The following GPR39 variants were observed in gnomAD, a reference collection of about 807,000 sequenced individuals.
GPR39 encodes the protein G protein-coupled receptor 39.
GPR39 carries 23 observed loss-of-function variants against 18.4 expected under a neutral mutation model. The observed-to-expected ratio is 1.25, with a 90% CI of 0.90 to 1.77. The LOEUF is 1.77. GPR39 is among the 40% of genes most tolerant of loss of function. The pLI is 0.00. For synonymous variants in GPR39, 280 were observed against 257.9 expected (o/e 1.09, Z -0.82); for missense variants, 647 against 602.4 (o/e 1.07, Z -0.78).
chr2:132,608,036 G>C (rs72841247), intron 1 of GPR39, among the ~76,000 whole-genome samples: 1 of 151,846 alleles, frequency 6.6e-6, no homozygotes. Flanking sequence ...ATGATACTGA[G>C]TTCCATGCAA....
At chr2:132,447,383 G>T (rs796233315) in intron 1 of GPR39, among the ~76,000 whole-genome samples, 14 of 152,274 alleles carry the variant, frequency 9.2e-5, no homozygotes, top group African/African-American at 3.4e-4. Context: ...TATCAGGGGC[G>T]CTTTGTTGCT....
At chr2:132,446,692 C>T (rs925886057) in intron 1 of GPR39, among the ~76,000 whole-genome samples, 7 of 151,848 alleles carry the variant, frequency 4.6e-5, no homozygotes, top group African/African-American at 1.7e-4. Flanking sequence ...ATAGGGGCAG[C>T]AAAGGAGTAT....
rs543832346 is a variant in GPR39 at position 132,553,391 on chromosome 2, TGTATATATAC to T, written c.857-91700_857-91691del. Reference sequence around the variant, plus strand: ...TGTATATATGTGTGTATATATATAGTGTATATATACGTATATATATGTACACACACAAATA... The same window carrying T: ...TGTATATATGTGTGTATATATATAGTGTATATATATGTACACACACAAATA... On this transcript the variant is annotated intron_variant, in intron 1 of 1. Coordinates refer to ENST00000329321, the MANE Select transcript of GPR39 (RefSeq NM_001508.3). 1.9e-3 allele frequency among the ~76,000 whole-genome samples: 290 copies of T among 149,134 alleles called. 1 individual carries two copies. The highest frequency in any genetic ancestry group is 6.9e-3 in the African/African-American group (283 of 40,828).
intron 1 of GPR39, among the ~76,000 whole-genome samples, chr2:132,548,825 T>C (rs955006980): frequency 2.0e-5 from 3 of 152,220 alleles, no homozygotes; most frequent in Non-Finnish European, 2.9e-5. Context: ...TCACTACTCT[T>C]ATCATTATGC....
At chr2:132,584,519 A>G (rs1680688104) in intron 1 of GPR39, among the ~76,000 whole-genome samples, 1 of 152,088 alleles carries the variant, frequency 6.6e-6, no homozygotes, top group Non-Finnish European at 1.5e-5. Context: ...GGAGGTTGAA[A>G]GGGAAGGAAG....
At chr2:132,539,616 C>T (rs1679826610) in intron 1 of GPR39, among the ~76,000 whole-genome samples, 1 of 152,174 alleles carries the variant, frequency 6.6e-6, no homozygotes, top group African/African-American at 2.4e-5. Context: ...TAGCTTCAAA[C>T]AGCAATTTTA....
chr2:132,522,716 G>A (rs1038499514), intron 1 of GPR39, among the ~76,000 whole-genome samples: 3 of 152,148 alleles, frequency 2.0e-5, no homozygotes, highest in African/African-American at 4.8e-5. Context: ...CAGCCTTCTT[G>A]TCTGAGTAGA....
At chr2:132,468,044 C>A (rs11678484) in intron 1 of GPR39, among the ~76,000 whole-genome samples, 69,210 of 152,004 alleles carry the variant, frequency 0.46, 16,866 homozygotes, top group Non-Finnish European at 0.54. Flanking sequence ...GTACCATTTT[C>A]TTAGAAGTCC....
Position 132,601,929 on chromosome 2 carries a change from A to C in GPR39, c.857-43172A>C, listed in dbSNP as rs959666240. Among the ~76,000 whole-genome samples, 4 of 152,248 alleles carry C rather than the reference A, an allele frequency of 2.6e-5. No individual in the cohort carries two copies. The South Asian group carries it at 8.3e-4, about 32-fold the overall frequency. On this transcript the variant is annotated intron_variant, in intron 1 of 1. Transcript: ENST00000329321. ...TTGAAGACAAAAAAATTGGAAAGATAACCCATGCTCATGGATTAAAAGAAT... is the reference window on the plus strand; with the variant it reads ...TTGAAGACAAAAAAATTGGAAAGATCACCCATGCTCATGGATTAAAAGAAT...
chr2:132,521,892 G>A (rs1679432678), intron 1 of GPR39, among the ~76,000 whole-genome samples: 1 of 152,148 alleles, frequency 6.6e-6, no homozygotes, highest in Non-Finnish European at 1.5e-5. Flanking sequence ...GGAACAAAGT[G>A]TTCTTCTTCC....
At chr2:132,484,360 C>A (rs1681291586) in intron 1 of GPR39, among the ~76,000 whole-genome samples, 1 of 152,132 alleles carries the variant, frequency 6.6e-6, no homozygotes, top group African/African-American at 2.4e-5. Flanking sequence ...CTGACTAAAT[C>A]ATTTAAATAT....
At chr2:132,420,126 C>G (rs1205187067) in intron 1 of GPR39, among the ~76,000 whole-genome samples, 1 of 152,188 alleles carries the variant, frequency 6.6e-6, no homozygotes, top group Non-Finnish European at 1.5e-5. Context: ...TCCTTCTTTC[C>G]TATACCAACT....
At chr2:132,512,122 G>A (rs1278011878) in intron 1 of GPR39, among the ~76,000 whole-genome samples, 1 of 152,086 alleles carries the variant, frequency 6.6e-6, no homozygotes, top group Non-Finnish European at 1.5e-5. Flanking sequence ...GTCAGTCTAG[G>A]GCTAAGAGTA....
chr2:132,462,501 C>A (rs1000151695), intron 1 of GPR39, among the ~76,000 whole-genome samples: 2 of 152,198 alleles, frequency 1.3e-5, no homozygotes, highest in African/African-American at 2.4e-5. Context: ...CAAGGCCCTC[C>A]TGATTTTACC....
At chr2:132,551,393 G>A (rs1397296728) in intron 1 of GPR39, among the ~76,000 whole-genome samples, 1 of 152,218 alleles carries the variant, frequency 6.6e-6, no homozygotes, top group South Asian at 2.1e-4. Flanking sequence ...TATAGGCTTA[G>A]ATTAGTCATG....
intron 1 of GPR39, among the ~76,000 whole-genome samples, chr2:132,488,107 T>C (rs1681378158): frequency 6.6e-6 from 1 of 152,200 alleles, no homozygotes; most frequent in Non-Finnish European, 1.5e-5. Context: ...AAATGGTAAG[T>C]AGACAAATTT....
chr2:132,419,477 G>A (rs748996740), intron 1 of GPR39, among the ~76,000 whole-genome samples: 2 of 152,226 alleles, frequency 1.3e-5, no homozygotes, highest in Non-Finnish European at 2.9e-5. Context: ...GGTAAGCCTG[G>A]TGGTGTTGCT....
At chr2:132,469,970 G>A (rs1380681395) in intron 1 of GPR39, among the ~76,000 whole-genome samples, 1 of 152,182 alleles carries the variant, frequency 6.6e-6, no homozygotes, top group Non-Finnish European at 1.5e-5. Context: ...GTGAAGTTCA[G>A]AGAATGCAAG....
At chr2:132,609,391 G>GGT (rs1344236215) in intron 1 of GPR39, among the ~76,000 whole-genome samples, 4 of 152,154 alleles carry the variant, frequency 2.6e-5, no homozygotes, top group Non-Finnish European at 5.9e-5. Flanking sequence ...CCTGGAGAAT[G>GGT]GTGGTATTAC....
Sources: gnomAD v4.1 joint callset for allele counts (sites outside exome capture counted in the v4.1 genomes callset) on GRCh38, gnomAD v4.1.1 for gene constraint, MANE v1.5 for transcripts, NCBI Gene and HGNC (gene_info 2026-07-23, HGNC 2026-07-21) for gene names.